The following COLEC12 variants were observed in gnomAD, a reference collection of about 807,000 sequenced individuals.
The protein encoded by COLEC12 is collectin subfamily member 12, also known as collectin-12.
COLEC12 carries 33 observed loss-of-function variants against 71.1 expected under a neutral mutation model. That is an observed-to-expected ratio of 0.46 (90% confidence interval 0.35 to 0.62). COLEC12 has a LOEUF of 0.62. Among genes scored for constraint, COLEC12 ranks in the 20% least tolerant of loss-of-function variants. The probability of loss-of-function intolerance (pLI) is 0.00; values close to 1 mark genes in which losing one functional copy is unlikely to be tolerated. For missense variants in COLEC12, 765 were observed against 916.1 expected, an observed-to-expected ratio of 0.84 and a Z score of 2.13; for synonymous variants, 350 against 353.0, an observed-to-expected ratio of 0.99 and a Z score of 0.10.
chr18:329,857 C>T (rs1298650061), intron 8 of COLEC12, among the ~76,000 whole-genome samples: 1 of 152,170 alleles, frequency 6.6e-6, no homozygotes, highest in Non-Finnish European at 1.5e-5. Flanking sequence ...GTGGGAGGAT[C>T]ACTTGAGGCT....
chr18:379,035 C>T (rs1915174341), intron 2 of COLEC12, among the ~76,000 whole-genome samples: 2 of 152,192 alleles, frequency 1.3e-5, no homozygotes, highest in Admixed American at 6.5e-5. Flanking sequence ...CATGCCCTCC[C>T]CAACGCAGGG....
At chr18:438,753 T>G (rs535413940) in intron 2 of COLEC12, among the ~76,000 whole-genome samples, 14 of 148,976 alleles carry the variant, frequency 9.4e-5, no homozygotes, top group African/African-American at 3.2e-4. Flanking sequence ...CAGTGAGCAG[T>G]GATCACACCA....
At position 334,603 on chromosome 18, in the gene COLEC12, G is replaced by A. The variant is rs1015622526; in HGVS notation, c.1816+139C>T. 25 of 668,122 alleles carry A rather than the reference G, an allele frequency of 3.7e-5. 1 individual carries two copies. In the Admixed American group the frequency reaches 6.3e-4, roughly 17 times the overall value. The allele number at this position is 668,122 out of a possible 1,614,324, so 41.4% of individuals were successfully genotyped here. A position where few individuals can be genotyped will look rare whatever the true frequency, so the allele number is the denominator to read the frequency against. On this transcript the variant is annotated intron_variant, in intron 6 of 9. Coordinates refer to ENST00000400256, the MANE Select transcript of COLEC12 (RefSeq NM_130386.3). ...AGATCACGCCACTGCACTCCAGCCT[G>A]GGCAACAGAGTGAGACCCTGTCTCA...
chr18:410,671 C>T (rs1327567391), intron 2 of COLEC12, among the ~76,000 whole-genome samples: 3 of 151,944 alleles, frequency 2.0e-5, no homozygotes, highest in South Asian at 2.1e-4. Context: ...GTGATCTGCC[C>T]GCCTTGGCCT....
intron 7 of COLEC12, 25 bp downstream of exon 7, chr18:332,982 C>T: frequency 6.5e-7 from 1 of 1,536,690 alleles, no homozygotes; most frequent in Non-Finnish European, 8.7e-7. Flanking sequence ...ATAGTTTTCC[C>T]CAACCAAGTA....
chr18:348,234 G>A, intron 3 of COLEC12, 71 bp from the exon 4 acceptor site: 6 of 942,126 alleles, frequency 6.4e-6, no homozygotes, highest in Non-Finnish European at 1.0e-5. Context: ...CAAAACAAGA[G>A]ATCATTTCAT....
At position 333,040 on chromosome 18, in the gene COLEC12, T is replaced by G. The variant is rs1005021323; in HGVS notation, c.1920A>C (p.Ser640=). ...DAKLFCEDKS[S]HLVFINTREE... is the part of the protein sequence containing the mutation. ...CTCTAGTGTTTATGAAAACAAGATG[T>G]GAAGACTTGTCTTCACAGAAAAGCT... The change falls in exon 7 of 10, where the codon TCA becomes TCC. Residue 640 remains serine (S), a synonymous_variant. Transcript: ENST00000400256. The G allele has an allele frequency of 1.9e-6, 3 of 1,609,280 alleles. No homozygotes were observed. The highest frequency in any genetic ancestry group is 1.7e-5 in the Admixed American group (1 of 58,578).
intron 9 of COLEC12, among the ~76,000 whole-genome samples, chr18:320,757 C>T (rs1291999758): frequency 1.3e-5 from 2 of 151,924 alleles, no homozygotes; most frequent in Admixed American, 6.6e-5. Flanking sequence ...TTCCCCATTT[C>T]CTCTGTCCCC....
rs534824275 is a variant in COLEC12, at chr18:418,135, T to C, written c.59-60613A>G. Among the ~76,000 whole-genome samples, 11 of 152,320 alleles carry C rather than the reference T, an allele frequency of 7.2e-5. 2 individuals are homozygous for C. The highest frequency in any genetic ancestry group is 2.4e-4 in the African/African-American group (10 of 41,568). On this transcript the variant is annotated intron_variant, in intron 2 of 9. Coordinates refer to ENST00000400256, the MANE Select transcript of COLEC12 (RefSeq NM_130386.3). Reference sequence around the variant, plus strand: ...TGACCCTTAAGTGATTTGCTTAACCTCTCTGTACCTCTGCTTCTCTATTTG... The same window carrying C: ...TGACCCTTAAGTGATTTGCTTAACCCCTCTGTACCTCTGCTTCTCTATTTG...
chr18:360,438 G>A (rs1243014802), intron 2 of COLEC12, among the ~76,000 whole-genome samples: 1 of 152,054 alleles, frequency 6.6e-6, no homozygotes, highest in African/African-American at 2.4e-5. Flanking sequence ...CCACCTCGCC[G>A]CCTCAGCCTC....
At chr18:475,030 C>T (rs1233544569) in intron 2 of COLEC12, among the ~76,000 whole-genome samples, 8 of 151,850 alleles carry the variant, frequency 5.3e-5, no homozygotes, top group East Asian at 1.9e-4. Context: ...GCCGAGATCG[C>T]GCCACTGCAC....
chr18:372,713 G>A (rs1001033537), intron 2 of COLEC12, among the ~76,000 whole-genome samples: 2 of 152,064 alleles, frequency 1.3e-5, no homozygotes, highest in African/African-American at 4.8e-5. Flanking sequence ...CACCATGCCC[G>A]CCCAAAAGAG....
intron 5 of COLEC12, 135 bp from the exon 6 acceptor site, chr18:335,365 GTT>G: frequency 1.1e-6 from 1 of 939,106 alleles, no homozygotes; most frequent in Non-Finnish European, 1.5e-6. Flanking sequence ...AAGACCATCT[GTT>G]TATCATACTA....
chr18:406,668 C>T (rs938218978), intron 2 of COLEC12, among the ~76,000 whole-genome samples: 6 of 152,220 alleles, frequency 3.9e-5, no homozygotes, highest in African/African-American at 1.2e-4. Flanking sequence ...TGTGTGAGAT[C>T]CAAGAACCTT....
chr18:443,270 T>C (rs1292650165), intron 2 of COLEC12, among the ~76,000 whole-genome samples: 1 of 152,258 alleles, frequency 6.6e-6, no homozygotes, highest in Admixed American at 6.5e-5. Flanking sequence ...AGCTGACTTT[T>C]GGTATTTTCA....
At chr18:381,952 A>G (rs1017317569) in intron 2 of COLEC12, among the ~76,000 whole-genome samples, 11 of 152,054 alleles carry the variant, frequency 7.2e-5, no homozygotes, top group Admixed American at 3.3e-4. Context: ...CCAAGAACTC[A>G]TTATTGGGGC....
chr18:447,724 T>G (rs1916680579), intron 2 of COLEC12, among the ~76,000 whole-genome samples: 1 of 152,222 alleles, frequency 6.6e-6, no homozygotes, highest in Admixed American at 6.5e-5. Context: ...TTCCAGAGCT[T>G]AGATACTTTG....
At chr18:363,486 C>G (rs1914792104) in intron 2 of COLEC12, among the ~76,000 whole-genome samples, 1 of 152,098 alleles carries the variant, frequency 6.6e-6, no homozygotes, top group Non-Finnish European at 1.5e-5. Context: ...TCCAGAAAAC[C>G]ACAAGTTTTG....
At chr18:355,821 T>C (rs75519437) in intron 3 of COLEC12, among the ~76,000 whole-genome samples, 263 of 152,318 alleles carry the variant, frequency 1.7e-3, no homozygotes, top group Non-Finnish European at 3.2e-3. Flanking sequence ...AAAACCCTCC[T>C]TTCTCTCATC....
Sources: gnomAD v4.1 joint callset for allele counts (sites outside exome capture counted in the v4.1 genomes callset) on GRCh38, gnomAD v4.1.1 for gene constraint, MANE v1.5 for transcripts, NCBI Gene and HGNC (gene_info 2026-07-23, HGNC 2026-07-21) for gene names.